The following SAXO5 variants were observed in gnomAD, a reference collection of about 807,000 sequenced individuals.
SAXO5 encodes the protein testis expressed 45.
chr19:7,501,451 A>T, the SAXO5 span: 1 of 1,417,134 alleles, frequency 7.1e-7, no homozygotes, highest in Non-Finnish European at 9.2e-7. Context: ...TGTGGTTCTC[A>T]AACAGGGGCA....
At chr19:7,506,311 C>T in the SAXO5 span, 1 of 723,792 alleles carries the variant, frequency 1.4e-6, no homozygotes, top group South Asian at 1.5e-5. Flanking sequence ...GAAGCCTCGC[C>T]CTTGCCACTG....
chr19:7,506,040 CAAAGCTACTCA>C, the SAXO5 span: 1 of 1,613,746 alleles, frequency 6.2e-7, no homozygotes, highest in Non-Finnish European at 8.5e-7. Flanking sequence ...CTAGGGGAGC[CAAAGCTACTCA>C]AACGCTTCTT....
chr19:7,500,774 T>C, the SAXO5 span: 1 of 1,397,836 alleles, frequency 7.2e-7, no homozygotes, highest in Non-Finnish European at 9.3e-7. Context: ...CAATGGGCAC[T>C]TGCTCAGTCC....
chr19:7,499,364 G>A, the SAXO5 span, among the ~76,000 whole-genome samples: 15 of 135,266 alleles, frequency 1.1e-4, no homozygotes, highest in South Asian at 2.9e-4. Context: ...TGAAAGGAGC[G>A]GAGGGGAGGG....
the SAXO5 span, chr19:7,506,249 T>TC: frequency 3.1e-5 from 14 of 444,574 alleles, no homozygotes; most frequent in Non-Finnish European, 4.2e-5. Context: ...ATGGAGCCCC[T>TC]CCCCATGGAG....
At chr19:7,505,650 G>A in the SAXO5 span, 7 of 1,608,232 alleles carry the variant, frequency 4.4e-6, no homozygotes, top group African/African-American at 4.0e-5. Context: ...GCGAAAAGGC[G>A]GCAGGGAAAA....
At chr19:7,506,360 C>A in the SAXO5 span, 1 of 653,966 alleles carries the variant, frequency 1.5e-6, no homozygotes, top group Non-Finnish European at 2.8e-6. Context: ...CCTCCCCCGG[C>A]TTCATCCCCT....
chr19:7,506,223 C>A, the SAXO5 span: 1 of 1,311,488 alleles, frequency 7.6e-7, no homozygotes, highest in Non-Finnish European at 1.0e-6. Context: ...GCCCCACCCC[C>A]GAAAGCCCCG....
At chr19:7,501,162 C>T in the SAXO5 span, 1 of 1,513,318 alleles carries the variant, frequency 6.6e-7, no homozygotes, top group Non-Finnish European at 8.8e-7. Context: ...CGGCAACCTG[C>T]ACCTGCACGA....
chr19:7,508,207 G>T, the SAXO5 span: 1 of 1,613,400 alleles, frequency 6.2e-7, no homozygotes. Context: ...TCTCCACAGT[G>T]CAAGTACAGC....
the SAXO5 span, chr19:7,506,180 G>GC: frequency 6.3e-7 from 1 of 1,581,112 alleles, no homozygotes. Context: ...GCGCTCCCGG[G>GC]AAGCCCCGCC....
chr19:7,505,536 C>G, the SAXO5 span: 2 of 1,614,184 alleles, frequency 1.2e-6, no homozygotes, highest in African/African-American at 1.3e-5. Context: ...TTCTTCACCA[C>G]GATCAGACTC....
chr19:7,500,910 C>T, the SAXO5 span: 1 of 1,584,078 alleles, frequency 6.3e-7, no homozygotes, highest in South Asian at 1.1e-5. Context: ...CTCGCTGGGG[C>T]CTGACCTGCG....
At chr19:7,505,601 C>T in the SAXO5 span, 1 of 1,614,174 alleles carries the variant, frequency 6.2e-7, no homozygotes. Flanking sequence ...AGTCTGGACA[C>T]CTTCATGCAG....
At chr19:7,500,305 T>C in the SAXO5 span, among the ~76,000 whole-genome samples, 1 of 151,772 alleles carries the variant, frequency 6.6e-6, no homozygotes, top group East Asian at 2.0e-4. Context: ...CATGAAAGAT[T>C]TTTTTTTATG....
the SAXO5 span, among the ~76,000 whole-genome samples, chr19:7,507,992 C>T: frequency 6.6e-6 from 1 of 152,192 alleles, no homozygotes; most frequent in Non-Finnish European, 1.5e-5. Flanking sequence ...CTGCATAACT[C>T]CACCCTTCTG....
At chr19:7,497,953 C>A in the SAXO5 span, among the ~76,000 whole-genome samples, 10 of 152,040 alleles carry the variant, frequency 6.6e-5, no homozygotes, top group Non-Finnish European at 1.2e-4. Flanking sequence ...GAGTTCGAGA[C>A]CAGGCTGGCC....
At chr19:7,504,966 T>G in the SAXO5 span, among the ~76,000 whole-genome samples, 107 of 138,494 alleles carry the variant, frequency 7.7e-4, no homozygotes, top group Middle Eastern at 3.7e-3. Flanking sequence ...CACTTTAGCT[T>G]CTTCTTCTTC....
the SAXO5 span, chr19:7,500,937 A>G: frequency 1.5e-3 from 2,340 of 1,581,964 alleles, 48 homozygotes; most frequent in East Asian, 0.047. Flanking sequence ...CGAGGGCACC[A>G]TGCGCACCAC....
Sources: allele counts gnomAD v4.1 joint callset (sites outside exome capture counted in the v4.1 genomes callset), GRCh38; gene constraint gnomAD v4.1.1; transcripts MANE v1.5; gene names NCBI Gene and HGNC (gene_info 2026-07-23, HGNC 2026-07-21).